Variants in PRMT8 observed in about 807,000 individuals in gnomAD.
PRMT8 encodes the protein protein arginine methyltransferase 8, also known as protein arginine N-methyltransferase 8.
Under a neutral mutation model 47.1 loss-of-function variants are expected in PRMT8, and 7 were observed. The ratio of observed to expected loss-of-function variants is 0.15; its 90% confidence interval spans 0.08 to 0.28. The LOEUF (loss-of-function observed/expected upper bound fraction) is 0.28, where lower values mean the gene tolerates loss of function less well. PRMT8 is among the 10% of genes least tolerant of loss of function. The probability of loss-of-function intolerance (pLI) is 1.00; values close to 1 mark genes in which losing one functional copy is unlikely to be tolerated. For missense variants in PRMT8, 237 were observed against 505.4 expected (o/e 0.47, Z 5.09); for synonymous variants, 188 against 186.5 (o/e 1.01, Z -0.07).
chr12:3,431,629 G>A (rs914413138), intron 1 of PRMT8, among the ~76,000 whole-genome samples: 1 of 152,192 alleles, frequency 6.6e-6, no homozygotes, highest in Non-Finnish European at 1.5e-5. Context: ...CCAAGAAGGA[G>A]AGGTACGTAG....
Position 3,437,645 on chromosome 12 carries a change from T to TATAC in PRMT8, c.48+56206_48+56207insCATA, listed in dbSNP as rs1555079687. On this transcript the variant is annotated intron_variant, in intron 1 of 9. Coordinates refer to the PRMT8 transcript ENST00000452611. ...GGCTATATATATATATATATATATA[T>TATAC]ATATATTGCATTCAGCTACTCTTTC... Among the ~76,000 whole-genome samples the TATAC allele has an allele frequency of 3.6e-3, 512 of 140,796 alleles. 1 individual carries two copies. Among genetic ancestry groups the TATAC allele is most frequent in the African/African-American group, 0.013 (494 of 38,136 alleles). 92.4% of individuals were successfully genotyped at this position (140,796 alleles called of 152,430 possible).
chr12:3,574,488 A>G (rs908108898), intron 6 of PRMT8, among the ~76,000 whole-genome samples: 1 of 152,254 alleles, frequency 6.6e-6, no homozygotes, highest in East Asian at 1.9e-4. Context: ...AATCCTTATA[A>G]GTAAGCCCAG....
In PRMT8 at chr12:3,409,393, C is replaced by A. The variant is rs924606821; in HGVS notation, c.48+27951C>A. Among the ~76,000 whole-genome samples the A allele has an allele frequency of 1.3e-5, 2 of 152,144 alleles. No homozygotes were observed. The highest frequency in any genetic ancestry group is 2.9e-5 in the Non-Finnish European group (2 of 68,028). ...TCAGGCCCTGGGGAATAAGGCACCA[C>A]GTAGTGGTGTCTCTAGACCTTGGGA... On this transcript the variant is annotated intron_variant, in intron 1 of 9. Coordinates refer to the PRMT8 transcript ENST00000452611. The surrounding 1 kb of genome is among the most constrained non-coding windows in gnomAD (Gnocchi z 4.4).
intron 4 of PRMT8, among the ~76,000 whole-genome samples, chr12:3,559,031 G>T (rs1006545669): frequency 6.6e-6 from 1 of 150,966 alleles, no homozygotes; most frequent in Non-Finnish European, 1.5e-5. Flanking sequence ...TAATCTAGCT[G>T]TCTATCTGTC....
intron 1 of PRMT8, among the ~76,000 whole-genome samples, chr12:3,411,153 C>T (rs568941284): frequency 8.7e-4 from 133 of 152,278 alleles, no homozygotes; most frequent in African/African-American, 3.2e-3. Flanking sequence ...TGCCAGGCTT[C>T]CTCCTCCCTG....
At chr12:3,388,315 A>C (rs1373969903) in intron 1 of PRMT8, among the ~76,000 whole-genome samples, 2 of 152,166 alleles carry the variant, frequency 1.3e-5, no homozygotes, top group African/African-American at 4.8e-5. Flanking sequence ...TGTTAGTAAG[A>C]ATATTGCATA....
rs573913734 is a variant in PRMT8, at chr12:3,453,774, C to G, written c.48+72332C>G. On this transcript the variant is annotated intron_variant, in intron 1 of 9. Coordinates refer to the PRMT8 transcript ENST00000452611. This position sits in a 1 kb window ranked among gnomAD's most constrained non-coding sequence, Gnocchi z 4.9. ...TGTCCTGACGTGGCCCGACTGTGGA[C>G]CCCCTTGTCCTCCTGCCCGCTGTGT... 6.6e-4 allele frequency among the ~76,000 whole-genome samples: 100 copies of G among 152,194 alleles called. 4 individuals carry two copies. The highest frequency in any genetic ancestry group is 3.5e-3 in the Admixed American group (54 of 15,302).
intron 1 of PRMT8, among the ~76,000 whole-genome samples, chr12:3,398,561 A>C (rs1864285588): frequency 6.6e-6 from 1 of 152,238 alleles, no homozygotes; most frequent in African/African-American, 2.4e-5. Flanking sequence ...TGGTTTCCTC[A>C]GGTGCATTCC....
chr12:3,450,192 G>A (rs536928700), intron 1 of PRMT8, among the ~76,000 whole-genome samples: 14 of 152,152 alleles, frequency 9.2e-5, no homozygotes, highest in Admixed American at 4.6e-4. Context: ...CTCAAAAAGT[G>A]GTGGTTTCTT....
In PRMT8 at chr12:3,569,214, C is replaced by G. The variant is rs147911753; in HGVS notation, c.625-263C>G. Among the ~76,000 whole-genome samples the G allele has an allele frequency of 9.8e-5, 15 of 152,342 alleles. No homozygotes were observed. In the East Asian group the frequency reaches 2.9e-3, roughly 29 times the overall value. ...CTTCTCCAGGCCAAAGTCGTAACATCTCTCACTGCTCCTCACTGGATTTAC... is the reference window on the plus strand; with the variant it reads ...CTTCTCCAGGCCAAAGTCGTAACATGTCTCACTGCTCCTCACTGGATTTAC... On this transcript the variant is annotated intron_variant, in intron 5 of 9. Coordinates refer to ENST00000382622, the MANE Select transcript of PRMT8 (RefSeq NM_019854.5). This position sits in a 1 kb window ranked among gnomAD's most constrained non-coding sequence, Gnocchi z 8.2.
At chr12:3,399,455 A>T (rs1864296086) in intron 1 of PRMT8, among the ~76,000 whole-genome samples, 3 of 152,198 alleles carry the variant, frequency 2.0e-5, no homozygotes, top group Admixed American at 2.0e-4. Flanking sequence ...CATTCAGGGG[A>T]GAATAACCAG....
chr12:3,585,345 CTTTTTTTTT>C (rs71061123), intron 8 of PRMT8, among the ~76,000 whole-genome samples: 27 of 45,790 alleles, frequency 5.9e-4, no homozygotes, highest in Admixed American at 1.7e-3. Flanking sequence ...GAAAATGATG[CTTTTTTTTT>C]TTTTTTTTTT....
At chr12:3,463,839 G>T (rs1267088770) in intron 1 of PRMT8, among the ~76,000 whole-genome samples, 1 of 152,222 alleles carries the variant, frequency 6.6e-6, no homozygotes, top group Admixed American at 6.5e-5. Context: ...TTACAATGGT[G>T]ATGGTGATGA....
chr12:3,440,322 C>A (rs917812429), intron 1 of PRMT8, among the ~76,000 whole-genome samples: 4 of 152,092 alleles, frequency 2.6e-5, no homozygotes, highest in African/African-American at 9.6e-5. Context: ...ATTAGCCAGG[C>A]ATGGCAGCAC....
rs2137055128 is a variant in PRMT8, at chr12:3,409,527, A to G, written c.48+28085A>G. On this transcript the variant is annotated intron_variant, in intron 1 of 9. Transcript: ENST00000452611. This position sits in a 1 kb window ranked among gnomAD's most constrained non-coding sequence, Gnocchi z 4.4. ...TCAGGAAGCATGGAGCAGCACAGCA[A>G]TGACTCTATTCATCGAGGAGGTGGG... is the stretch of plus-strand genomic sequence containing the variant. Among the ~76,000 whole-genome samples the G allele has an allele frequency of 6.6e-6, 1 of 152,260 alleles. No individual in the cohort carries two copies. The highest frequency in any genetic ancestry group is 2.1e-4 in the South Asian group (1 of 4,814).
intron 1 of PRMT8, among the ~76,000 whole-genome samples, chr12:3,418,478 G>A (rs995220469): frequency 3.9e-5 from 6 of 152,334 alleles, no homozygotes; most frequent in African/African-American, 1.4e-4. Context: ...GGATGGGCTG[G>A]TCCTATCCTC....
chr12:3,485,970 C>T (rs1356177477), intron 1 of PRMT8, among the ~76,000 whole-genome samples: 3 of 152,216 alleles, frequency 2.0e-5, no homozygotes, highest in Admixed American at 6.5e-5. Flanking sequence ...CACCTCCACT[C>T]ATTATGCGTT....
At chr12:3,581,291 G>A (rs546401908) in intron 7 of PRMT8, among the ~76,000 whole-genome samples, 1 of 152,272 alleles carries the variant, frequency 6.6e-6, no homozygotes, top group Admixed American at 6.5e-5. Context: ...GAGAAGAAAA[G>A]GTTTAAGGGA....
At chr12:3,534,131 C>T (rs1044441259) in intron 1 of PRMT8, among the ~76,000 whole-genome samples, 1 of 152,264 alleles carries the variant, frequency 6.6e-6, no homozygotes, top group Non-Finnish European at 1.5e-5. Flanking sequence ...TGTCCCCTCC[C>T]ACTGCGATCC....
Sources: allele counts gnomAD v4.1 joint callset (sites outside exome capture counted in the v4.1 genomes callset), GRCh38; gene constraint gnomAD v4.1.1; non-coding constraint Gnocchi (gnomAD v3.1); transcripts MANE v1.5; gene names NCBI Gene and HGNC (gene_info 2026-07-23, HGNC 2026-07-21).